The following RNF121 variants were observed in gnomAD, a reference collection of about 807,000 sequenced individuals.
RNF121 encodes the protein ring finger protein 121.
In RNF121, 21 loss-of-function variants were observed where a neutral mutation model predicts 46.5. The ratio of observed to expected loss-of-function variants is 0.45; its 90% CI spans 0.32 to 0.65. RNF121 has a LOEUF of 0.65. RNF121 is among the 30% of genes least tolerant of loss of function. RNF121 has a pLI of 0.04. For synonymous variants in RNF121, 139 were observed against 144.7 expected (o/e 0.96, Z 0.28); for missense variants, 346 against 416.0 (o/e 0.83, Z 1.46).
At chr11:71,981,570 G>C (rs1954660015) in intron 3 of RNF121, among the ~76,000 whole-genome samples, 1 of 152,122 alleles carries the variant, frequency 6.6e-6, no homozygotes, top group African/African-American at 2.4e-5. Flanking sequence ...GTTGAGGAGG[G>C]AGTTAGGAGG....
At chr11:71,929,475 G>A (rs774834573) in intron 1 of RNF121, among the ~76,000 whole-genome samples, 7 of 152,112 alleles carry the variant, frequency 4.6e-5, no homozygotes, top group Non-Finnish European at 7.4e-5. Flanking sequence ...TTTCTTCAGG[G>A]GAAGGCTGGG....
At position 71,929,114 on chromosome 11, in the gene RNF121, A is replaced by C; in HGVS notation, c.53A>C (p.Glu18Ala). 6.4e-7 allele frequency: 1 copy of C among 1,551,400 alleles called. No individual in the cohort carries two copies. The highest frequency in any genetic ancestry group is 1.2e-5 in the South Asian group (1 of 84,002). ...GGAGGTGGTGCTGCTGGGGAACGGG[A>C]GCTGGATGAGGTAAGCGGAGTTGAG... is the stretch of plus-strand genomic sequence containing the variant. Reference protein sequence around the residue: ...EVGGGAAGERELDEVDMSDLS... With the variant: ...EVGGGAAGERALDEVDMSDLS... Residue 18 changes from glutamate to alanine, a missense_variant, in exon 1 of 9, where the codon GAG becomes GCG. Glu to Ala is a moderately radical substitution (Grantham distance 107, BLOSUM62 -1). Transcript: ENST00000361756.
At chr11:71,983,890 T>C (rs1954712875) in intron 4 of RNF121, 1 of 152,416 alleles carries the variant, frequency 6.6e-6, no homozygotes, top group East Asian at 1.9e-4. Flanking sequence ...CTATTCTTCT[T>C]ATGTTCTACT....
At chr11:71,991,770 TGACTA>T (rs1367323292) in intron 6 of RNF121, among the ~76,000 whole-genome samples, 1 of 152,022 alleles carries the variant, frequency 6.6e-6, no homozygotes, top group East Asian at 1.9e-4. Context: ...GGAGAAGTAG[TGACTA>T]GACTAGAAAA....
At chr11:71,987,251 G>A (rs1954789552) in intron 5 of RNF121, 140 bp downstream of exon 5, 1 of 619,622 alleles carries the variant, frequency 1.6e-6, no homozygotes, top group Non-Finnish European at 2.9e-6. Context: ...GGGGGGATGG[G>A]AGAAGACAGG....
At chr11:71,942,828 A>ATATG (rs2134155312) in intron 1 of RNF121, among the ~76,000 whole-genome samples, 1 of 152,006 alleles carries the variant, frequency 6.6e-6, no homozygotes, top group South Asian at 2.1e-4. Context: ...ACACACATAT[A>ATATG]TATGTATATA....
At chr11:71,963,481 G>A (rs953396512) in intron 3 of RNF121, among the ~76,000 whole-genome samples, 5 of 152,110 alleles carry the variant, frequency 3.3e-5, no homozygotes, top group Non-Finnish European at 5.9e-5. Context: ...ATAGCTGGGC[G>A]TGGTGGCACG....
At chr11:71,994,482 C>A (rs986977156) in intron 6 of RNF121, among the ~76,000 whole-genome samples, 1 of 152,118 alleles carries the variant, frequency 6.6e-6, no homozygotes, top group African/African-American at 2.4e-5. Context: ...CATCTAACTT[C>A]CCAACTGTCT....
intron 1 of RNF121, among the ~76,000 whole-genome samples, chr11:71,948,008 C>T (rs945098611): frequency 2.6e-5 from 4 of 152,070 alleles, no homozygotes; most frequent in Non-Finnish European, 5.9e-5. Flanking sequence ...TAGTTCTGTT[C>T]TGAAAGATTC....
chr11:71,965,426 T>G (rs1411678393), intron 3 of RNF121, among the ~76,000 whole-genome samples: 1 of 152,078 alleles, frequency 6.6e-6, no homozygotes, highest in East Asian at 1.9e-4. Context: ...CATTTTTGTA[T>G]TTTTTATAGA....
chr11:71,992,282 TACA>T (rs1215868281), intron 6 of RNF121, among the ~76,000 whole-genome samples: 1 of 152,236 alleles, frequency 6.6e-6, no homozygotes, highest in Admixed American at 6.5e-5. Context: ...CCACAGCCGC[TACA>T]ACAACAGCCA....
intron 4 of RNF121, among the ~76,000 whole-genome samples, chr11:71,986,769 C>CAAAAAAA (rs11315989): frequency 2.8e-5 from 2 of 71,966 alleles, no homozygotes; most frequent in Non-Finnish European, 2.8e-5. Context: ...ACTCTCATCT[C>CAAAAAAA]AAAAAAAAAA....
At chr11:71,979,184 G>C (rs1257966221) in intron 3 of RNF121, among the ~76,000 whole-genome samples, 2 of 152,204 alleles carry the variant, frequency 1.3e-5, no homozygotes, top group African/African-American at 4.8e-5. Flanking sequence ...CTGGGATACA[G>C]AGCTAGTTGA....
At chr11:71,937,935 A>T (rs2134148354) in intron 1 of RNF121, among the ~76,000 whole-genome samples, 1 of 152,324 alleles carries the variant, frequency 6.6e-6, no homozygotes, top group Middle Eastern at 3.4e-3. Context: ...ATCTGTAGGT[A>T]AAATAAACTC....
chr11:71,983,031 T>G, intron 4 of RNF121, 116 bp downstream of exon 4: 2 of 1,018,324 alleles, frequency 2.0e-6, no homozygotes, highest in Non-Finnish European at 2.7e-6. Flanking sequence ...CCAAAATTAT[T>G]TGGCATGGGG....
intron 2 of RNF121, 87 bp downstream of exon 2, chr11:71,957,351 T>C: frequency 1.1e-6 from 1 of 882,392 alleles, no homozygotes; most frequent in Non-Finnish European, 2.0e-6. Context: ...TTTTGCTTTC[T>C]TGTCAGTAGG....
At chr11:71,963,959 T>C (rs1590792521) in intron 3 of RNF121, among the ~76,000 whole-genome samples, 1 of 152,216 alleles carries the variant, frequency 6.6e-6, no homozygotes, top group Non-Finnish European at 1.5e-5. Flanking sequence ...TTCCTCAACT[T>C]TGTTATTATT....
intron 3 of RNF121, among the ~76,000 whole-genome samples, chr11:71,967,692 A>G (rs984385011): frequency 2.6e-5 from 4 of 152,054 alleles, no homozygotes; most frequent in African/African-American, 7.2e-5. Flanking sequence ...AAGTGTTGGG[A>G]TTACAGACAT....
chr11:71,948,244 G>A (rs1025403788), intron 1 of RNF121, among the ~76,000 whole-genome samples: 6 of 152,042 alleles, frequency 3.9e-5, no homozygotes, highest in Admixed American at 1.3e-4. Context: ...GGCCAGGTGC[G>A]GTGGCTCACG....
Sources: gnomAD v4.1 joint callset for allele counts (sites outside exome capture counted in the v4.1 genomes callset) on GRCh38, gnomAD v4.1.1 for gene constraint, MANE v1.5 for transcripts, NCBI Gene and HGNC (gene_info 2026-07-23, HGNC 2026-07-21) for gene names.